KCNH1: variants seen among roughly 807,000 people sequenced by gnomAD.
KCNH1 encodes voltage-gated delayed rectifier potassium channel KCNH1.
In KCNH1, 27 loss-of-function variants were observed where a neutral mutation model predicts 69.2. The ratio of observed to expected loss-of-function variants is 0.39; its 90% CI spans 0.29 to 0.54. The LOEUF (loss-of-function observed/expected upper bound fraction) is 0.54. KCNH1 is among the 20% of genes least tolerant of loss of function. The probability of loss-of-function intolerance (pLI) is 0.68; values close to 1 mark genes in which losing one functional copy is unlikely to be tolerated. For missense variants in KCNH1, 798 were observed against 1,261.6 expected (o/e 0.63, Z 5.57); for synonymous variants, 456 against 487.7 (o/e 0.93, Z 0.86).
chr1:210,842,657 G>A (rs1050722395), intron 7 of KCNH1, among the ~76,000 whole-genome samples: 11 of 152,056 alleles, frequency 7.2e-5, no homozygotes, highest in African/African-American at 2.7e-4. Flanking sequence ...AGGAAAGCAG[G>A]CTGAAAATCC....
chr1:210,985,191 T>G (rs1292375092), intron 6 of KCNH1, among the ~76,000 whole-genome samples: 1 of 152,198 alleles, frequency 6.6e-6, no homozygotes, highest in Non-Finnish European at 1.5e-5. Flanking sequence ...TTATTAGTCT[T>G]GCTAGTAGTC....
intron 10 of KCNH1, among the ~76,000 whole-genome samples, chr1:210,743,320 A>G (rs1683079499): frequency 6.6e-6 from 1 of 152,138 alleles, no homozygotes; most frequent in African/African-American, 2.4e-5. Flanking sequence ...GGTACAATGA[A>G]GGGGAGAGCA....
At chr1:210,999,897 G>A (rs12745326) in intron 6 of KCNH1, among the ~76,000 whole-genome samples, 50,177 of 151,988 alleles carry the variant, frequency 0.33, 8,699 homozygotes, top group Non-Finnish European at 0.38. Flanking sequence ...CATATAAACA[G>A]AACCAAAGAC....
At chr1:210,931,804 A>T (rs1423415513) in intron 6 of KCNH1, among the ~76,000 whole-genome samples, 1 of 151,688 alleles carries the variant, frequency 6.6e-6, no homozygotes, top group Non-Finnish European at 1.5e-5. Flanking sequence ...TAAAAGAGAA[A>T]AAAACAGAAA....
chr1:211,006,732 C>T (rs1689293236), intron 6 of KCNH1, among the ~76,000 whole-genome samples: 2 of 152,134 alleles, frequency 1.3e-5, no homozygotes, highest in South Asian at 4.1e-4. Flanking sequence ...CATACTGTTT[C>T]ATTATTGTGA....
chr1:210,687,161 A>C (rs1681424330), intron 10 of KCNH1, among the ~76,000 whole-genome samples: 2 of 152,228 alleles, frequency 1.3e-5, no homozygotes, highest in Non-Finnish European at 2.9e-5. Flanking sequence ...AGTTCTTCAG[A>C]TATTGAGGAG....
At chr1:210,833,002 C>T (rs1343145) in intron 7 of KCNH1, among the ~76,000 whole-genome samples, 45,412 of 150,046 alleles carry the variant, frequency 0.3, 7,855 homozygotes, top group East Asian at 0.46. Context: ...AAAGAGCCAG[C>T]AGATCCCTAA....
chr1:210,686,417 C>A (rs1452446555), intron 10 of KCNH1, among the ~76,000 whole-genome samples: 2 of 152,202 alleles, frequency 1.3e-5, no homozygotes, highest in South Asian at 4.1e-4. Context: ...CCTCCCAACT[C>A]CAATGGCCCT....
At chr1:210,821,806 T>TTATTTATC (rs1329902488) in intron 7 of KCNH1, among the ~76,000 whole-genome samples, 4 of 25,458 alleles carry the variant, frequency 1.6e-4, no homozygotes, top group African/African-American at 3.3e-4. Flanking sequence ...CTCCAGCTAT[T>TTATTTATC]TATTTATTTA....
rs552165800 is a variant in KCNH1 at position 210,848,160 on chromosome 1, T to C, written c.1463-43994A>G. 9.2e-5 allele frequency among the ~76,000 whole-genome samples: 14 copies of C among 152,358 alleles called. No individual in the cohort carries two copies. The South Asian group carries it at 2.9e-3, about 32-fold the overall frequency. ...ACCTTCTAGATAGTTAAAGATAGTG[T>C]CTTATAGATAGTAATACCTTATAGG... On this transcript the variant is annotated intron_variant, in intron 7 of 10. Coordinates refer to ENST00000271751, the MANE Select transcript of KCNH1 (RefSeq NM_172362.3).
intron 6 of KCNH1, among the ~76,000 whole-genome samples, chr1:211,003,501 C>G (rs570381549): frequency 2.1e-4 from 32 of 152,266 alleles, no homozygotes; most frequent in African/African-American, 4.6e-4. Context: ...CAGGCTTCTG[C>G]TGTTACTAGC....
chr1:210,876,170 A>G (rs1171027344), intron 7 of KCNH1, among the ~76,000 whole-genome samples: 2 of 152,214 alleles, frequency 1.3e-5, no homozygotes, highest in Admixed American at 1.3e-4. Flanking sequence ...AATAATTAAG[A>G]CAATTTTTAA....
intron 7 of KCNH1, chr1:210,859,632 G>T: frequency 7.4e-7 from 1 of 1,353,796 alleles, no homozygotes; most frequent in Non-Finnish European, 1.1e-6. Context: ...CATCATCACT[G>T]TCATTCTTGT....
intron 10 of KCNH1, among the ~76,000 whole-genome samples, chr1:210,772,655 C>T (rs945609599): frequency 2.6e-5 from 4 of 152,120 alleles, no homozygotes; most frequent in Non-Finnish European, 5.9e-5. Flanking sequence ...CTCCAACAGT[C>T]GCCTAAGTCC....
Position 211,019,152 on chromosome 1 carries a change from A to G in KCNH1, c.663T>C (p.Asp221=), listed in dbSNP as rs763892409. The part of the protein sequence containing the change: ...LHYCVFKTTW[D]WIILILTFYT... ...AGAAGGTCAAGATCAAGATGATCCA[A>G]TCCCACGTGGTCTTAAAAACACAAT... The change falls in exon 6 of 11, where the codon GAT becomes GAC. Residue 221 remains aspartate (D), a synonymous_variant. Coordinates refer to ENST00000271751, the MANE Select transcript of KCNH1 (RefSeq NM_172362.3). 3 of 1,613,970 alleles carry G rather than the reference A, an allele frequency of 1.9e-6. No homozygotes were observed. Among genetic ancestry groups the G allele is most frequent in the Admixed American group, 1.7e-5 (1 of 59,984 alleles).
intron 7 of KCNH1, among the ~76,000 whole-genome samples, chr1:210,904,822 T>C (rs922103019): frequency 3.3e-5 from 5 of 152,226 alleles, no homozygotes; most frequent in Admixed American, 2.6e-4. Context: ...TCAATCACTC[T>C]GCCAATGAAA....
chr1:210,698,351 A>G (rs1165885078), intron 10 of KCNH1, among the ~76,000 whole-genome samples: 1 of 152,128 alleles, frequency 6.6e-6, no homozygotes, highest in Middle Eastern at 3.2e-3. Context: ...AATCCCCAAG[A>G]GCCAAGGGGT....
At chr1:211,110,165 G>T (rs1444814006) in intron 1 of KCNH1, among the ~76,000 whole-genome samples, 1 of 152,076 alleles carries the variant, frequency 6.6e-6, no homozygotes, top group Non-Finnish European at 1.5e-5. Context: ...GTATAATGAA[G>T]ATATTTTCAT....
intron 5 of KCNH1, among the ~76,000 whole-genome samples, chr1:211,042,750 A>G (rs934117339): frequency 2.1e-4 from 32 of 152,358 alleles, no homozygotes; most frequent in African/African-American, 7.7e-4. Flanking sequence ...ATTTAAGAAA[A>G]TTGAAATTAT....
Sources: gnomAD v4.1 joint callset for allele counts (sites outside exome capture counted in the v4.1 genomes callset) on GRCh38, gnomAD v4.1.1 for gene constraint, MANE v1.5 for transcripts, NCBI Gene and HGNC (gene_info 2026-07-23, HGNC 2026-07-21) for gene names.